Variants in TRIM44 observed in about 807,000 individuals in gnomAD.
The protein encoded by TRIM44 is tripartite motif containing 44, also known as tripartite motif-containing protein 44.
In TRIM44, 13 loss-of-function variants were observed where a neutral mutation model predicts 37.4. The observed-to-expected ratio is 0.35, with a 90% CI of 0.23 to 0.55. The LOEUF (loss-of-function observed/expected upper bound fraction) is 0.55, where lower values mean the gene tolerates loss of function less well. Ranked by LOEUF, TRIM44 falls within the 20% of genes least tolerant of loss-of-function variation. The pLI is 0.89. For synonymous variants in TRIM44, 175 were observed against 157.2 expected, an observed-to-expected ratio of 1.11 and a Z score of -0.85; for missense variants, 426 against 437.2, an observed-to-expected ratio of 0.97 and a Z score of 0.23.
intron 4 of TRIM44, among the ~76,000 whole-genome samples, chr11:35,799,898 A>G (rs1853343540): frequency 6.6e-6 from 1 of 152,176 alleles, no homozygotes; most frequent in African/African-American, 2.4e-5. Flanking sequence ...TTAAGAAGGA[A>G]TTGCAGTGAG....
chr11:35,776,817 A>G (rs1248051228), intron 4 of TRIM44, among the ~76,000 whole-genome samples: 1 of 152,200 alleles, frequency 6.6e-6, no homozygotes, highest in Non-Finnish European at 1.5e-5. Flanking sequence ...GTGGTCTGAG[A>G]GACAGTTTGT....
At position 35,726,411 on chromosome 11, in the gene TRIM44, A is replaced by G. The variant is rs750091113; in HGVS notation, c.987+248A>G. ...TCAGTGGGGGCAGATACTAATCACA[A>G]TTAAGAAAGGAAGCCAAAAATTACA... On this transcript the variant is annotated intron_variant, in intron 3 of 4. Transcript: ENST00000299413. 5.1e-4 allele frequency among the ~76,000 whole-genome samples: 77 copies of G among 152,180 alleles called. 1 individual carries two copies. Among genetic ancestry groups the G allele is most frequent in the Admixed American group, 7.2e-4 (11 of 15,280 alleles).
At chr11:35,700,950 A>C (rs1851780040) in intron 2 of TRIM44, among the ~76,000 whole-genome samples, 1 of 152,198 alleles carries the variant, frequency 6.6e-6, no homozygotes, top group South Asian at 2.1e-4. Flanking sequence ...TAAACATTAC[A>C]CACACGATAC....
rs11033267 is a variant in TRIM44, at chr11:35,764,451, T to A, written c.1007+29006T>A. On this transcript the variant is annotated intron_variant, in intron 4 of 4. Transcript: ENST00000299413. ...GCGGCAGAAAACACCTGCTATAGCC[T>A]CTGACACCAGTCCATGTAAGTCAGC... is the stretch of plus-strand genomic sequence containing the variant. 0.014 allele frequency among the ~76,000 whole-genome samples: 2,116 copies of A among 152,306 alleles called. 118 individuals are homozygous for A. The East Asian group carries it at 0.14, about 10-fold the overall frequency.
intron 2 of TRIM44, among the ~76,000 whole-genome samples, chr11:35,692,565 T>G (rs963774288): frequency 6.6e-6 from 1 of 152,112 alleles, no homozygotes; most frequent in Non-Finnish European, 1.5e-5. Context: ...ATTTTGGAGT[T>G]TGGAGGATTT....
chr11:35,724,480 C>T (rs750699421), intron 2 of TRIM44: 2 of 152,190 alleles, frequency 1.3e-5, no homozygotes, highest in East Asian at 1.9e-4. Context: ...CTGCCTTTCT[C>T]CTTTTGTCTA....
At chr11:35,787,184 A>G (rs936532029) in intron 4 of TRIM44, among the ~76,000 whole-genome samples, 9 of 152,186 alleles carry the variant, frequency 5.9e-5, no homozygotes, top group African/African-American at 2.2e-4. Flanking sequence ...GAGATGGTGC[A>G]TCCCTGAGCA....
In TRIM44 at chr11:35,806,429, G is replaced by T; in HGVS notation, c.*44G>T. ...GGAAAATCATCCCCTCCCCTTGTGT[G>T]TATGTGACAGCGTGTATGTAACGGC... On this transcript the variant is annotated 3_prime_UTR_variant, in exon 5 of 5. Coordinates refer to ENST00000299413, the MANE Select transcript of TRIM44 (RefSeq NM_017583.6). 6.2e-7 allele frequency: 1 copy of T among 1,608,248 alleles called. No individual in the cohort carries two copies. Among genetic ancestry groups the T allele is most frequent in the South Asian group, 1.1e-5 (1 of 90,944 alleles).
intron 4 of TRIM44, among the ~76,000 whole-genome samples, chr11:35,767,020 A>G (rs539302895): frequency 1.3e-5 from 2 of 152,308 alleles, no homozygotes; most frequent in East Asian, 1.9e-4. Context: ...AAGTCAAGTC[A>G]TGGTTTTAGG....
At chr11:35,691,301 G>C (rs2135494013) in intron 2 of TRIM44, among the ~76,000 whole-genome samples, 1 of 152,064 alleles carries the variant, frequency 6.6e-6, no homozygotes, top group African/African-American at 2.4e-5. Context: ...AGACACTTGG[G>C]CAGGAGAAAA....
intron 2 of TRIM44, among the ~76,000 whole-genome samples, chr11:35,721,252 G>A (rs545980957): frequency 2.0e-5 from 3 of 152,156 alleles, no homozygotes; most frequent in African/African-American, 7.2e-5. Flanking sequence ...GTATTTTGTT[G>A]AGATTTTCTT....
chr11:35,748,263 G>C (rs1852516727), intron 4 of TRIM44, among the ~76,000 whole-genome samples: 1 of 152,196 alleles, frequency 6.6e-6, no homozygotes, highest in African/African-American at 2.4e-5. Flanking sequence ...CATACTTGTT[G>C]TGGGTGTCTA....
chr11:35,776,880 T>C (rs1011928234), intron 4 of TRIM44, among the ~76,000 whole-genome samples: 4 of 152,244 alleles, frequency 2.6e-5, no homozygotes, highest in Non-Finnish European at 5.9e-5. Context: ...TCCACCTATG[T>C]GGTCAATTTT....
In TRIM44 at chr11:35,772,924, G is replaced by C. The variant is rs1217472439; in HGVS notation, c.1008-33434G>C. 2.0e-5 allele frequency among the ~76,000 whole-genome samples: 3 copies of C among 152,110 alleles called. No homozygotes were observed. The East Asian group carries it at 5.8e-4, about 29-fold the overall frequency. On this transcript the variant is annotated intron_variant, in intron 4 of 4. Coordinates refer to ENST00000299413, the MANE Select transcript of TRIM44 (RefSeq NM_017583.6). ...TTAAAGGGGACAAGGGCAGAAAGATGGTTTGGCTCTGTGTCCCCATGCAAA... is the reference window on the plus strand; with the variant it reads ...TTAAAGGGGACAAGGGCAGAAAGATCGTTTGGCTCTGTGTCCCCATGCAAA...
chr11:35,680,327 C>G (rs747659220), intron 1 of TRIM44, among the ~76,000 whole-genome samples: 2 of 152,144 alleles, frequency 1.3e-5, no homozygotes, highest in Non-Finnish European at 2.9e-5. Context: ...TAAAATCCTT[C>G]TATCCTAAGT....
At chr11:35,676,335 A>G (rs188659473) in intron 1 of TRIM44, among the ~76,000 whole-genome samples, 120 of 152,352 alleles carry the variant, frequency 7.9e-4, no homozygotes, top group African/African-American at 2.8e-3. Context: ...GTCTGGCAGC[A>G]GTAGAAGCTC....
In TRIM44 at chr11:35,761,401, C is replaced by CTATA. The variant is rs776443924; in HGVS notation, c.1007+25957_1007+25958insATAT. Among the ~76,000 whole-genome samples, 50 of 67,108 alleles carry CTATA rather than the reference C, an allele frequency of 7.5e-4. No individual in the cohort carries two copies. The South Asian group carries it at 0.011, about 15-fold the overall frequency. 44.0% of individuals were successfully genotyped at this position (67,108 alleles called of 152,430 possible). ...GTTGTATTGTTTGCTCTCTCTCTCT[C>CTATA]TCTCTATATATATATGTGATACTTT... On this transcript the variant is annotated intron_variant, in intron 4 of 4. Transcript: ENST00000299413.
chr11:35,751,440 C>G (rs1156581792), intron 4 of TRIM44, among the ~76,000 whole-genome samples: 1 of 152,140 alleles, frequency 6.6e-6, no homozygotes, highest in Non-Finnish European at 1.5e-5. Flanking sequence ...ATGGATTATA[C>G]ACTAGGATCA....
chr11:35,736,205 T>A (rs1338081262), intron 4 of TRIM44, among the ~76,000 whole-genome samples: 1 of 152,164 alleles, frequency 6.6e-6, no homozygotes, highest in Non-Finnish European at 1.5e-5. Context: ...ATCAGAATGG[T>A]CATCCAGGCC....
Sources: gnomAD v4.1 joint callset for allele counts (sites outside exome capture counted in the v4.1 genomes callset) on GRCh38, gnomAD v4.1.1 for gene constraint, MANE v1.5 for transcripts, NCBI Gene and HGNC (gene_info 2026-07-23, HGNC 2026-07-21) for gene names.